Variants in SPNS2 observed in about 807,000 individuals in gnomAD.
SPNS2 encodes the protein SPNS lysolipid transporter 2, sphingosine-1-phosphate, also known as sphingosine-1-phosphate transporter SPNS2.
In SPNS2, 37 loss-of-function variants were observed where a neutral mutation model predicts 57.6. The ratio of observed to expected loss-of-function variants is 0.64; its 90% confidence interval spans 0.49 to 0.85. The LOEUF (loss-of-function observed/expected upper bound fraction) is 0.85. Among genes scored for constraint, SPNS2 ranks in the 40% least tolerant of loss-of-function variants. The pLI is 0.00. For missense variants in SPNS2, 831 were observed against 779.1 expected, an observed-to-expected ratio of 1.07 and a Z score of -0.79; for synonymous variants, 440 against 346.9, an observed-to-expected ratio of 1.27 and a Z score of -2.98.
Position 4,499,315 on chromosome 17 carries a change from C to G in SPNS2, c.268C>G (p.Gln90Glu). 1 of 1,496,294 alleles carries G rather than the reference C, an allele frequency of 6.7e-7. No individual in the cohort carries two copies. Among genetic ancestry groups the G allele is most frequent in the Non-Finnish European group, 8.9e-7 (1 of 1,129,564 alleles). The allele number at this position is 1,496,294 out of a possible 1,614,324, so 92.7% of individuals were successfully genotyped here. A position where few individuals can be genotyped will look rare whatever the true frequency, so the allele number is the denominator to read the frequency against. The part of the protein sequence containing the change: ...CAATAKGPGA[Q>E]QPKPASLGRG... ...AGCTACTGCAAAGGGCCCCGGCGCT[C>G]AGCAGCCCAAACCGGCCAGCTTGGG... The change falls in exon 1 of 13, where the codon CAG becomes GAG. Residue 90 changes from glutamine to glutamate, a missense_variant. Physicochemically the swap from Gln to Glu is conservative, Grantham distance 29. Coordinates refer to ENST00000329078, the MANE Select transcript of SPNS2 (RefSeq NM_001124758.3). The surrounding 1 kb of genome is among the most constrained non-coding windows in gnomAD (Gnocchi z 5.2).
chr17:4,534,447 GTGCCCAAGGGTCAGCC>G (rs1905666876), intron 9 of SPNS2: 1 of 160,244 alleles, frequency 6.2e-6, no homozygotes, highest in Non-Finnish European at 1.4e-5. Context: ...ACTTGGTCCT[GTGCCCAAGGGTCAGCC>G]TGGCCAGGGT....
chr17:4,517,842 C>T (rs573987253), intron 2 of SPNS2, among the ~76,000 whole-genome samples: 47 of 152,048 alleles, frequency 3.1e-4, no homozygotes, highest in African/African-American at 1.1e-3. Context: ...AAAAGAGAAC[C>T]GGAAAATGTT....
intron 11 of SPNS2, chr17:4,536,681 C>G (rs978706072): frequency 6.3e-6 from 4 of 637,890 alleles, no homozygotes; most frequent in African/African-American, 5.5e-5. Context: ...GCTGGGGCCC[C>G]TCCCCTTCCT....
At chr17:4,519,339 C>G (rs1020015494) in intron 2 of SPNS2, among the ~76,000 whole-genome samples, 1 of 152,226 alleles carries the variant, frequency 6.6e-6, no homozygotes, top group African/African-American at 2.4e-5. Context: ...GATGGCTCCG[C>G]TCACCATGGA....
At chr17:4,519,755 C>G (rs1905092739) in intron 2 of SPNS2, among the ~76,000 whole-genome samples, 1 of 152,082 alleles carries the variant, frequency 6.6e-6, no homozygotes, top group African/African-American at 2.4e-5. Context: ...AAGCTTCTAG[C>G]TTGGAGGCCC....
At chr17:4,507,390 G>T (rs1035327334) in intron 1 of SPNS2, among the ~76,000 whole-genome samples, 1 of 152,242 alleles carries the variant, frequency 6.6e-6, no homozygotes, top group Non-Finnish European at 1.5e-5. Context: ...CATAGCTGGG[G>T]CTGTGTCCTG....
chr17:4,519,873 G>A (rs1052103845), intron 2 of SPNS2, among the ~76,000 whole-genome samples: 2 of 152,188 alleles, frequency 1.3e-5, no homozygotes, highest in African/African-American at 4.8e-5. Context: ...CTTCTGCCAG[G>A]AACATTCTCT....
rs1291804306 is a variant in SPNS2 at position 4,538,894 on chromosome 17, G to A, written c.*1446G>A. The stretch of plus-strand genomic sequence containing the variant: ...ATGTTTTCTTGTTGTACAAGAACCA[G>A]GTCCGAGTGTTGCCTCCTCTTCCTT... On this transcript the variant is annotated 3_prime_UTR_variant, in exon 13 of 13. Transcript: ENST00000329078. 1 of 781,192 alleles carries A rather than the reference G, an allele frequency of 1.3e-6. No homozygotes were observed. Among genetic ancestry groups the A allele is most frequent in the Non-Finnish European group, 2.4e-6 (1 of 418,362 alleles). 48.4% of individuals were successfully genotyped at this position (781,192 alleles called of 1,614,324 possible).
At chr17:4,505,817 C>T (rs1481524526) in intron 1 of SPNS2, among the ~76,000 whole-genome samples, 1 of 152,182 alleles carries the variant, frequency 6.6e-6, no homozygotes, top group African/African-American at 2.4e-5. Context: ...GGGTCCTGTC[C>T]TCCTGCCTCC....
Position 4,525,167 on chromosome 17 carries a change from T to TTCTCCAGC in SPNS2, c.550_557dup (p.Phe187ProfsTer69), listed in dbSNP as rs1216813610. 6.2e-7 allele frequency: 1 copy of TTCTCCAGC among 1,614,060 alleles called. No homozygotes were observed. Among genetic ancestry groups the TTCTCCAGC allele is most frequent in the East Asian group, 2.2e-5 (1 of 44,898 alleles). ...CATTTTCTTCTGGTCGGCCGTCACCTTCTCCAGCTCCTTCATTCCCCAGCA... is the reference window on the plus strand; with the variant it reads ...CATTTTCTTCTGGTCGGCCGTCACCTTCTCCAGCTCTCCAGCTCCTTCATTCCCCAGCA... On this transcript the variant is annotated frameshift_variant, in exon 3 of 13. Transcript: ENST00000329078. LOFTEE classifies it high-confidence loss of function.
At chr17:4,526,486 C>G (rs922839020) in intron 3 of SPNS2, among the ~76,000 whole-genome samples, 12 of 152,050 alleles carry the variant, frequency 7.9e-5, no homozygotes, top group African/African-American at 2.9e-4. Context: ...GCCTATAATC[C>G]CAGCTACTTG....
rs1905856602 is a variant in SPNS2 at position 4,536,881 on chromosome 17, C to T, written c.1608-19C>T. On this transcript the variant is annotated intron_variant, in intron 11 of 12. Transcript: ENST00000329078. ...CCCCGCTGATGCACCACCCTGACCC[C>T]CGCCCGTCTCTCCCCCAGGGTGAAC... is the stretch of plus-strand genomic sequence containing the variant. 6.2e-7 allele frequency: 1 copy of T among 1,612,472 alleles called. No homozygotes were observed. Among genetic ancestry groups the T allele is most frequent in the Admixed American group, 1.7e-5 (1 of 59,902 alleles).
chr17:4,519,826 C>T (rs1408265950), intron 2 of SPNS2, among the ~76,000 whole-genome samples: 1 of 152,246 alleles, frequency 6.6e-6, no homozygotes, highest in African/African-American at 2.4e-5. Flanking sequence ...CCCCATCGGA[C>T]ACAGTCCACA....
At chr17:4,527,383 G>A (rs947601312) in intron 3 of SPNS2, among the ~76,000 whole-genome samples, 1 of 152,230 alleles carries the variant, frequency 6.6e-6, no homozygotes, top group Non-Finnish European at 1.5e-5. Flanking sequence ...AGTGTAGGAT[G>A]AAAGTTGCAT....
chr17:4,517,308 C>CT (rs146131882), intron 2 of SPNS2, among the ~76,000 whole-genome samples: 4,821 of 152,256 alleles, frequency 0.032, 99 homozygotes, highest in Middle Eastern at 0.051. Context: ...TCTTCATGAC[C>CT]CAGAGCCTGC....
intron 11 of SPNS2, 73 bp from the exon 12 acceptor site, chr17:4,536,827 G>C (rs752343587): frequency 1.5e-6 from 2 of 1,291,236 alleles, no homozygotes; most frequent in Non-Finnish European, 2.2e-6. Context: ...CCCACGACAC[G>C]ATGTGCCAGA....
intron 6 of SPNS2, 79 bp downstream of exon 6, chr17:4,532,763 AC>A: frequency 6.5e-7 from 1 of 1,537,098 alleles, no homozygotes; most frequent in Non-Finnish European, 8.8e-7. Flanking sequence ...AGGGCAGCCC[AC>A]TAGCACCCTC....
chr17:4,532,855 C>G, intron 6 of SPNS2, 122 bp from the exon 7 acceptor site: 1 of 1,474,178 alleles, frequency 6.8e-7, no homozygotes, highest in Non-Finnish European at 9.1e-7. Flanking sequence ...CAGCCTGAAC[C>G]CTCACCCCTG....
rs1567598460 is a variant in SPNS2 at position 4,536,898 on chromosome 17, A to G, written c.1608-2A>G. 6.2e-7 allele frequency: 1 copy of G among 1,613,302 alleles called. No individual in the cohort carries two copies. The highest frequency in any genetic ancestry group is 2.2e-5 in the East Asian group (1 of 44,852). Reference sequence around the variant, plus strand: ...CCTGACCCCCGCCCGTCTCTCCCCCAGGGTGAACCAGCTGGCGATGCCGCC... The same window carrying G: ...CCTGACCCCCGCCCGTCTCTCCCCCGGGGTGAACCAGCTGGCGATGCCGCC... On this transcript the variant is annotated splice_acceptor_variant, in intron 11 of 12. Transcript: ENST00000329078. LOFTEE classifies it high-confidence loss of function.
Sources: allele counts gnomAD v4.1 joint callset (sites outside exome capture counted in the v4.1 genomes callset), GRCh38; gene constraint gnomAD v4.1.1; non-coding constraint Gnocchi (gnomAD v3.1); transcripts MANE v1.5; gene names NCBI Gene and HGNC (gene_info 2026-07-23, HGNC 2026-07-21).